EXOC6B: variants seen among roughly 807,000 people sequenced by gnomAD.
The protein encoded by EXOC6B is SEC15 homolog B.
A neutral mutation model predicts 113.5 loss-of-function variants in EXOC6B; 54 were observed. The ratio of observed to expected loss-of-function variants is 0.48; its 90% confidence interval spans 0.38 to 0.60. The LOEUF is 0.60. Among genes scored for constraint, EXOC6B ranks in the 20% least tolerant of loss-of-function variants. The probability of loss-of-function intolerance (pLI) is 0.00; values close to 1 mark genes in which losing one functional copy is unlikely to be tolerated. For synonymous variants in EXOC6B, 357 were observed against 339.0 expected, an observed-to-expected ratio of 1.05 and a Z score of -0.58; for missense variants, 797 against 977.5, an observed-to-expected ratio of 0.82 and a Z score of 2.46.
chr2:72,178,845 C>G lies in EXOC6B; in HGVS notation c.*490G>C, dbSNP rs1677904147. ...GAGGAGATGACCCTCCAGAGCTGCC[C>G]TTAGTGTACTAAATAGTAATGTTTG... On this transcript the variant is annotated 3_prime_UTR_variant, in exon 22 of 22. Coordinates refer to ENST00000272427, the MANE Select transcript of EXOC6B (RefSeq NM_015189.3). 6.5e-6 allele frequency: 1 copy of G among 153,300 alleles called. No homozygotes were observed. The highest frequency in any genetic ancestry group is 1.5e-5 in the Non-Finnish European group (1 of 68,842). 9.5% of individuals were successfully genotyped at this position (153,300 alleles called of 1,614,324 possible). A position where few individuals can be genotyped will look rare whatever the true frequency, so the allele number is the denominator to read the frequency against.
intron 8 of EXOC6B, among the ~76,000 whole-genome samples, chr2:72,549,298 T>C (rs1003245887): frequency 6.6e-6 from 1 of 152,172 alleles, no homozygotes; most frequent in Non-Finnish European, 1.5e-5. Flanking sequence ...AATAGATTAT[T>C]ATGACTATAA....
At chr2:72,183,504 A>C (rs1021262461) in intron 21 of EXOC6B, among the ~76,000 whole-genome samples, 1 of 152,194 alleles carries the variant, frequency 6.6e-6, no homozygotes, top group African/African-American at 2.4e-5. Flanking sequence ...CAGGCTAGTG[A>C]CTGCTTAAGG....
chr2:72,480,506 T>C lies in EXOC6B; in HGVS notation c.1800+110A>G, dbSNP rs951494877. 4.0e-6 allele frequency: 4 copies of C among 1,005,868 alleles called. No individual in the cohort carries two copies. In the African/African-American group the frequency reaches 5.0e-5, roughly 13 times the overall value. 62.3% of individuals were successfully genotyped at this position (1,005,868 alleles called of 1,614,324 possible). Reference sequence around the variant, plus strand: ...AAACCAAACATATCATAAACACTCATTCTCAAGAGCATGTTATAAACCATC... The same window carrying C: ...AAACCAAACATATCATAAACACTCACTCTCAAGAGCATGTTATAAACCATC... On this transcript the variant is annotated intron_variant, in intron 17 of 21. Coordinates refer to ENST00000272427, the MANE Select transcript of EXOC6B (RefSeq NM_015189.3).
chr2:72,653,798 C>T (rs542442699), intron 6 of EXOC6B, among the ~76,000 whole-genome samples: 1 of 151,964 alleles, frequency 6.6e-6, no homozygotes, highest in Admixed American at 6.6e-5. Context: ...CATATATATG[C>T]TTCATTGGGA....
intron 8 of EXOC6B, among the ~76,000 whole-genome samples, chr2:72,552,182 TTA>T (rs1275987014): frequency 1.3e-5 from 2 of 152,198 alleles, no homozygotes; most frequent in African/African-American, 4.8e-5. Context: ...TTCACAGACC[TTA>T]TGTTATTTGA....
chr2:72,772,552 T>C (rs140133565), intron 1 of EXOC6B, among the ~76,000 whole-genome samples: 129 of 152,242 alleles, frequency 8.5e-4, no homozygotes, highest in Non-Finnish European at 1.5e-3. Context: ...GCAGACCCCA[T>C]TGCCAGCCCA....
intron 18 of EXOC6B, among the ~76,000 whole-genome samples, chr2:72,402,740 T>C (rs982380786): frequency 5.9e-5 from 9 of 152,198 alleles, no homozygotes; most frequent in African/African-American, 1.9e-4. Context: ...ACTTGAATAA[T>C]ATAAGGCAGT....
intron 6 of EXOC6B, among the ~76,000 whole-genome samples, chr2:72,624,037 T>C (rs1671902754): frequency 1.3e-5 from 2 of 152,224 alleles, no homozygotes; most frequent in Admixed American, 1.3e-4. Context: ...AGACAATTAA[T>C]CTATTTACTG....
chr2:72,545,717 T>G (rs1185370725), intron 8 of EXOC6B, among the ~76,000 whole-genome samples: 9 of 152,190 alleles, frequency 5.9e-5, no homozygotes, highest in Admixed American at 5.9e-4. Context: ...TGTTAATATA[T>G]ATAAACAACA....
At chr2:72,257,613 T>C (rs1683431531) in intron 20 of EXOC6B, among the ~76,000 whole-genome samples, 2 of 152,242 alleles carry the variant, frequency 1.3e-5, no homozygotes, top group African/African-American at 4.8e-5. Flanking sequence ...TTGAATTACA[T>C]GTCTGTCAGC....
At chr2:72,299,189 A>C (rs2104746347) in intron 20 of EXOC6B, among the ~76,000 whole-genome samples, 1 of 150,618 alleles carries the variant, frequency 6.6e-6, no homozygotes, top group African/African-American at 2.5e-5. Context: ...ATTTCTTTTC[A>C]CTATTTTTTC....
At chr2:72,758,877 GAAC>G (rs1225455550) in intron 1 of EXOC6B, among the ~76,000 whole-genome samples, 1 of 152,222 alleles carries the variant, frequency 6.6e-6, no homozygotes, top group African/African-American at 2.4e-5. Flanking sequence ...GGACCAGTGA[GAAC>G]AAGTCCTTGA....
intron 1 of EXOC6B, among the ~76,000 whole-genome samples, chr2:72,797,908 CA>C (rs984854613): frequency 6.6e-6 from 1 of 151,808 alleles, no homozygotes; most frequent in East Asian, 1.9e-4. Context: ...ACTAATCACT[CA>C]AAAAAGGGAT....
At chr2:72,408,458 T>C (rs1396231022) in intron 18 of EXOC6B, among the ~76,000 whole-genome samples, 5 of 152,158 alleles carry the variant, frequency 3.3e-5, no homozygotes, top group Non-Finnish European at 7.4e-5. Context: ...CTACCTGACT[T>C]CAAACCATAC....
At chr2:72,735,953 G>A (rs1680926814) in intron 2 of EXOC6B, among the ~76,000 whole-genome samples, 1 of 151,812 alleles carries the variant, frequency 6.6e-6, no homozygotes, top group African/African-American at 2.4e-5. Context: ...GGGAGGCTGA[G>A]GCAGCAGATC....
At chr2:72,781,864 C>A (rs966639204) in intron 1 of EXOC6B, among the ~76,000 whole-genome samples, 1 of 152,018 alleles carries the variant, frequency 6.6e-6, no homozygotes, top group Non-Finnish European at 1.5e-5. Flanking sequence ...ATAGGCCAGG[C>A]GCAGTGGTTC....
intron 16 of EXOC6B, among the ~76,000 whole-genome samples, chr2:72,486,863 A>G (rs1432842166): frequency 3.9e-5 from 6 of 151,956 alleles, no homozygotes; most frequent in African/African-American, 1.5e-4. Flanking sequence ...TCCCATTAAA[A>G]AATAAAACAA....
chr2:72,575,352 G>T, intron 7 of EXOC6B, 140 bp downstream of exon 7: 2 of 677,234 alleles, frequency 3.0e-6, no homozygotes, highest in Non-Finnish European at 4.5e-6. Context: ...CTTAAATTGA[G>T]CCTTATTTGT....
At chr2:72,208,478 A>G (rs963862540) in intron 20 of EXOC6B, among the ~76,000 whole-genome samples, 3 of 152,052 alleles carry the variant, frequency 2.0e-5, no homozygotes, top group Non-Finnish European at 4.4e-5. Flanking sequence ...TCTTTATCCA[A>G]TCCACTACTG....
Sources: gnomAD v4.1 joint callset for allele counts (sites outside exome capture counted in the v4.1 genomes callset) on GRCh38, gnomAD v4.1.1 for gene constraint, MANE v1.5 for transcripts, NCBI Gene and HGNC (gene_info 2026-07-23, HGNC 2026-07-21) for gene names.